MTCL2: variants seen among roughly 807,000 people sequenced by gnomAD.
The protein encoded by MTCL2 is microtubule cross-linking factor 2.
the MTCL2 span, among the ~76,000 whole-genome samples, chr20:36,846,072 G>A: frequency 6.6e-6 from 1 of 152,138 alleles, no homozygotes; most frequent in South Asian, 2.1e-4. Flanking sequence ...CAGCTGTGGT[G>A]GCTCACGACT....
the MTCL2 span, among the ~76,000 whole-genome samples, chr20:36,813,499 C>T: frequency 6.6e-6 from 1 of 151,266 alleles, no homozygotes; most frequent in South Asian, 2.1e-4. Context: ...TTTGGGAGGC[C>T]GAGGCAGGTG....
At chr20:36,826,561 A>G in the MTCL2 span, among the ~76,000 whole-genome samples, 2 of 151,208 alleles carry the variant, frequency 1.3e-5, no homozygotes, top group African/African-American at 2.4e-5. Flanking sequence ...TATTTTTTGT[A>G]GAGACGGGGT....
the MTCL2 span, among the ~76,000 whole-genome samples, chr20:36,807,612 G>A: frequency 6.6e-6 from 1 of 152,166 alleles, no homozygotes; most frequent in Non-Finnish European, 1.5e-5. Context: ...GCATGAATGG[G>A]TCAGGTGGGT....
chr20:36,823,296 C>T, the MTCL2 span, among the ~76,000 whole-genome samples: 4 of 152,288 alleles, frequency 2.6e-5, no homozygotes, highest in East Asian at 3.9e-4. Flanking sequence ...GCTCCTTTCC[C>T]GGGCAACTGG....
the MTCL2 span, among the ~76,000 whole-genome samples, chr20:36,853,920 G>T: frequency 2.0e-5 from 3 of 152,172 alleles, no homozygotes; most frequent in Non-Finnish European, 4.4e-5. Context: ...CTTTCCATGT[G>T]AACAGGAAGG....
chr20:36,839,751 A>G, the MTCL2 span, among the ~76,000 whole-genome samples: 1 of 152,184 alleles, frequency 6.6e-6, no homozygotes, highest in Non-Finnish European at 1.5e-5. This position sits in a 1 kb window ranked among gnomAD's most constrained non-coding sequence, Gnocchi z 5.1. Context: ...GGTGCCTCTC[A>G]AGGCAAGGAA....
the MTCL2 span, chr20:36,839,306 G>A: frequency 6.2e-7 from 1 of 1,612,764 alleles, no homozygotes; most frequent in Non-Finnish European, 8.5e-7. The surrounding 1 kb of genome is among the most constrained non-coding windows in gnomAD (Gnocchi z 5.1). Flanking sequence ...GCTTTGCGCA[G>A]CCGGTACTGC....
chr20:36,839,560 A>G, the MTCL2 span: 1 of 820,550 alleles, frequency 1.2e-6, no homozygotes, highest in Non-Finnish European at 1.9e-6. This position sits in a 1 kb window ranked among gnomAD's most constrained non-coding sequence, Gnocchi z 5.1. Flanking sequence ...GGCAGGCTGA[A>G]TGACAGACCT....
chr20:36,861,356 G>C, the MTCL2 span, among the ~76,000 whole-genome samples: 8 of 152,296 alleles, frequency 5.3e-5, no homozygotes, highest in African/African-American at 1.2e-4. Flanking sequence ...CGGATGAGGA[G>C]ACTGAGGCCT....
chr20:36,798,938 A>G, the MTCL2 span, among the ~76,000 whole-genome samples: 1 of 152,202 alleles, frequency 6.6e-6, no homozygotes, highest in Non-Finnish European at 1.5e-5. Context: ...TCAAAGTCCC[A>G]GGAACGCGCT....
At chr20:36,845,594 G>A in the MTCL2 span, among the ~76,000 whole-genome samples, 5 of 152,252 alleles carry the variant, frequency 3.3e-5, no homozygotes, top group African/African-American at 4.8e-5. Flanking sequence ...CTGCAGGGAC[G>A]TGGGCGGGAG....
At chr20:36,815,175 C>A in the MTCL2 span, 6 of 1,612,878 alleles carry the variant, frequency 3.7e-6, no homozygotes, top group East Asian at 1.3e-4. The surrounding 1 kb of genome is among the most constrained non-coding windows in gnomAD (Gnocchi z 5.3). Context: ...CTTAGAGAGC[C>A]CCTGGGAGCC....
chr20:36,852,779 G>A, the MTCL2 span, among the ~76,000 whole-genome samples: 6 of 152,224 alleles, frequency 3.9e-5, no homozygotes, highest in African/African-American at 1.2e-4. Context: ...TGATGAGGCC[G>A]GGCATGGTGG....
At chr20:36,804,483 C>G in the MTCL2 span, among the ~76,000 whole-genome samples, 1 of 152,172 alleles carries the variant, frequency 6.6e-6, no homozygotes, top group African/African-American at 2.4e-5. Context: ...GGGATGTGCA[C>G]CAGCCTCACC....
chr20:36,790,137 G>A, the MTCL2 span, among the ~76,000 whole-genome samples: 3 of 151,692 alleles, frequency 2.0e-5, no homozygotes, highest in Admixed American at 6.6e-5. Context: ...GACTACAGGC[G>A]CCTGCCACCA....
the MTCL2 span, among the ~76,000 whole-genome samples, chr20:36,803,956 CAAAA>C: frequency 7.0e-5 from 3 of 43,056 alleles, no homozygotes; most frequent in South Asian, 9.7e-4. Context: ...GATGCCGTCT[CAAAA>C]AAAAAAAAAA....
the MTCL2 span, among the ~76,000 whole-genome samples, chr20:36,848,432 C>G: frequency 6.6e-6 from 1 of 152,222 alleles, no homozygotes; most frequent in South Asian, 2.1e-4. Flanking sequence ...CTGGGCCGGA[C>G]AGCCAAACAT....
the MTCL2 span, chr20:36,816,185 G>A: frequency 1.9e-6 from 3 of 1,613,514 alleles, no homozygotes; most frequent in Non-Finnish European, 2.5e-6. Context: ...AGAGCGAGCG[G>A]TACTTCAGCA....
chr20:36,856,094 C>T, the MTCL2 span, among the ~76,000 whole-genome samples: 1 of 152,196 alleles, frequency 6.6e-6, no homozygotes, highest in Non-Finnish European at 1.5e-5. Context: ...CTCTCCCCAT[C>T]CCTGCCAGCT....
Sources: allele counts gnomAD v4.1 joint callset (sites outside exome capture counted in the v4.1 genomes callset), GRCh38; gene constraint gnomAD v4.1.1; non-coding constraint Gnocchi (gnomAD v3.1); transcripts MANE v1.5; gene names NCBI Gene and HGNC (gene_info 2026-07-23, HGNC 2026-07-21).